DENND1B: variants seen among roughly 807,000 people sequenced by gnomAD.
DENND1B encodes DENN domain-containing protein 1B.
A neutral mutation model predicts 90.1 loss-of-function variants in DENND1B; 59 were observed. The ratio of observed to expected loss-of-function variants is 0.65; its 90% confidence interval spans 0.53 to 0.81. DENND1B has a LOEUF of 0.81. DENND1B is among the 40% of genes least tolerant of loss of function. DENND1B has a pLI of 0.00. For synonymous variants in DENND1B, 337 were observed against 324.6 expected (o/e 1.04, Z -0.41); for missense variants, 862 against 912.6 (o/e 0.94, Z 0.71).
intron 2 of DENND1B, among the ~76,000 whole-genome samples, chr1:197,719,102 G>C (rs1235918798): frequency 2.0e-5 from 3 of 152,118 alleles, no homozygotes; most frequent in African/African-American, 2.4e-5. Context: ...CTCAGTGGAA[G>C]GGTAGGAAGG....
chr1:197,629,384 G>A (rs1183987997), intron 10 of DENND1B, among the ~76,000 whole-genome samples: 2 of 151,974 alleles, frequency 1.3e-5, no homozygotes, highest in Non-Finnish European at 2.9e-5. Flanking sequence ...GTAGGGACAT[G>A]GATGAAACTG....
At chr1:197,645,598 T>C in intron 9 of DENND1B, 92 bp downstream of exon 9, 1 of 593,640 alleles carries the variant, frequency 1.7e-6, no homozygotes, top group Admixed American at 3.7e-5. Context: ...CAATGTATCC[T>C]ATTTCTCTAT....
At chr1:197,515,868 T>C (rs1265042218) in intron 20 of DENND1B, among the ~76,000 whole-genome samples, 7 of 151,952 alleles carry the variant, frequency 4.6e-5, no homozygotes, top group Middle Eastern at 3.4e-3. Context: ...ACAGAACTTA[T>C]GTCTTTCCCT....
At chr1:197,597,947 GA>G (rs1371536428) in intron 13 of DENND1B, among the ~76,000 whole-genome samples, 2 of 151,772 alleles carry the variant, frequency 1.3e-5, no homozygotes, top group African/African-American at 4.8e-5. Context: ...ATTATATTTG[GA>G]AGCAATAATA....
chr1:197,655,114 A>G (rs1195192056), intron 6 of DENND1B, among the ~76,000 whole-genome samples: 2 of 152,220 alleles, frequency 1.3e-5, no homozygotes, highest in Admixed American at 1.3e-4. Context: ...AGTGAGGAAA[A>G]TAACATTCTG....
chr1:197,629,300 G>A (rs1345207860), intron 10 of DENND1B, among the ~76,000 whole-genome samples: 7 of 152,022 alleles, frequency 4.6e-5, no homozygotes, highest in African/African-American at 1.4e-4. Flanking sequence ...ATGATAGACT[G>A]GATTAAGAAA....
chr1:197,510,514 G>A lies in DENND1B; in HGVS notation c.2274C>T (p.Asp758=). ...EVVSLCHMTS[D]FQQSLNISDK... is the part of the protein sequence containing the mutation. ...CTGAAATGTTCAAGCTTTGTTGGAA[G>A]TCAGATGTCATATGACATAATGACA... The change falls in exon 23 of 23, where the codon GAC becomes GAT. Residue 758 remains aspartate, a synonymous_variant. Coordinates refer to ENST00000620048, the MANE Select transcript of DENND1B (RefSeq NM_001195215.2). The A allele has an allele frequency of 6.2e-7, 1 of 1,611,844 alleles. No individual in the cohort carries two copies. Among genetic ancestry groups the A allele is most frequent in the Non-Finnish European group, 8.5e-7 (1 of 1,178,806 alleles).
chr1:197,754,921 G>C (rs1214597566), intron 2 of DENND1B, among the ~76,000 whole-genome samples: 1 of 151,956 alleles, frequency 6.6e-6, no homozygotes, highest in Non-Finnish European at 1.5e-5. Flanking sequence ...TCTTCTATTT[G>C]AATCTTTTGC....
intron 3 of DENND1B, among the ~76,000 whole-genome samples, chr1:197,688,451 C>T (rs530498112): frequency 1.1e-4 from 16 of 152,072 alleles, no homozygotes; most frequent in South Asian, 6.2e-4. Context: ...TAAAACAGTA[C>T]GGTACTGGCA....
At chr1:197,645,551 T>C in intron 9 of DENND1B, 139 bp downstream of exon 9, 1 of 457,270 alleles carries the variant, frequency 2.2e-6, no homozygotes, top group Non-Finnish European at 3.8e-6. Flanking sequence ...TCTTTATTTC[T>C]TATTTCTTCA....
intron 1 of DENND1B, among the ~76,000 whole-genome samples, chr1:197,774,074 G>C (rs1218478673): frequency 6.6e-6 from 1 of 152,140 alleles, no homozygotes; most frequent in African/African-American, 2.4e-5. Context: ...CTATTAACTT[G>C]TTTCAATGGG....
At chr1:197,554,727 AGCTACTCAAGTG>A (rs1205769808) in intron 15 of DENND1B, among the ~76,000 whole-genome samples, 1 of 151,008 alleles carries the variant, frequency 6.6e-6, no homozygotes, top group Admixed American at 6.6e-5. Context: ...CTGTAGTCCC[AGCTACTCAAGTG>A]GCTGAGGCAG....
In DENND1B at chr1:197,717,832, C is replaced by T. The variant is rs577952644; in HGVS notation, c.83-2758G>A. ...TCTACTACACTACAAAAAGAGTATG[C>T]AGTAAAAGAGCTCCAATTTGCACAA... On this transcript the variant is annotated intron_variant, in intron 2 of 22. Transcript: ENST00000620048. 2.9e-4 allele frequency among the ~76,000 whole-genome samples: 44 copies of T among 151,906 alleles called. 1 individual carries two copies. The South Asian group carries it at 8.7e-3, about 30-fold the overall frequency.
intron 2 of DENND1B, among the ~76,000 whole-genome samples, chr1:197,764,625 T>C (rs893813092): frequency 1.3e-5 from 2 of 152,174 alleles, no homozygotes; most frequent in Non-Finnish European, 2.9e-5. Context: ...ACAGATACAT[T>C]TGACCCTTAG....
intron 2 of DENND1B, among the ~76,000 whole-genome samples, chr1:197,770,325 TAAC>T (rs1419812784): frequency 3.3e-5 from 5 of 151,902 alleles, no homozygotes; most frequent in East Asian, 3.8e-4. Context: ...GTGATTTAAA[TAAC>T]AACAGCAAAA....
intron 16 of DENND1B, among the ~76,000 whole-genome samples, chr1:197,548,679 CCTCT>C (rs1297680325): frequency 6.6e-6 from 1 of 151,934 alleles, no homozygotes; most frequent in African/African-American, 2.4e-5. Flanking sequence ...TGAAAAACTC[CCTCT>C]AAGACTGCTA....
At chr1:197,513,978 T>C (rs1181584914) in intron 20 of DENND1B, among the ~76,000 whole-genome samples, 7 of 151,678 alleles carry the variant, frequency 4.6e-5, no homozygotes, top group Non-Finnish European at 1.0e-4. Context: ...ATATGTGCAT[T>C]TTTACTGTAA....
chr1:197,717,474 T>C (rs1405951198), intron 2 of DENND1B, among the ~76,000 whole-genome samples: 1 of 151,920 alleles, frequency 6.6e-6, no homozygotes, highest in Admixed American at 6.6e-5. Context: ...AAAAAAATTT[T>C]ACTGCCAACA....
chr1:197,706,853 T>G (rs769396381), intron 3 of DENND1B, among the ~76,000 whole-genome samples: 5 of 152,002 alleles, frequency 3.3e-5, no homozygotes, highest in Admixed American at 6.6e-5. Flanking sequence ...AGCAATTATA[T>G]AAAAAATAGT....
Sources: allele counts gnomAD v4.1 joint callset (sites outside exome capture counted in the v4.1 genomes callset), GRCh38; gene constraint gnomAD v4.1.1; transcripts MANE v1.5; gene names NCBI Gene and HGNC (gene_info 2026-07-23, HGNC 2026-07-21).